KRT26: variants seen among roughly 807,000 people sequenced by gnomAD.
KRT26 encodes keratin 26, also known as keratin, type I cytoskeletal 26.
In KRT26, 45 loss-of-function variants were observed where a neutral mutation model predicts 46.1. The observed-to-expected ratio is 0.98, with a 90% CI of 0.77 to 1.25. KRT26 has a LOEUF of 1.25. Among genes scored for constraint, KRT26 ranks in the 50% most tolerant of loss-of-function variants. The pLI is 0.00. For synonymous variants in KRT26, 191 were observed against 209.9 expected (o/e 0.91, Z 0.78); for missense variants, 582 against 560.1 (o/e 1.04, Z -0.39).
chr17:40,766,480 CTT>C (rs1211023778), exon 8 of KRT26: 27 of 1,323,156 alleles, frequency 2.0e-5, no homozygotes, highest in Middle Eastern at 2.3e-4. Flanking sequence ...CTCTCTCTCT[CTT>C]TCTTTCTTTC....
chr17:40,771,135 TC>T lies in KRT26; in HGVS notation c.524+18del. On this transcript the variant is annotated intron_variant, in intron 2 of 7. Transcript: ENST00000335552. ...TTTTAACTTTTATTAATATAATTAA[TC>T]AGTTTGTTTTCACCTACTTCAGCCT... 7.0e-7 allele frequency: 1 copy of T among 1,419,240 alleles called. No homozygotes were observed. The highest frequency in any genetic ancestry group is 9.7e-7 in the Non-Finnish European group (1 of 1,029,602). The allele number at this position is 1,419,240 out of a possible 1,614,324, so 87.9% of individuals were successfully genotyped here.
intron 1 of KRT26, among the ~76,000 whole-genome samples, 183 bp from the exon 2 acceptor site, chr17:40,771,419 T>G (rs1210510973): frequency 6.6e-6 from 1 of 152,246 alleles, no homozygotes; most frequent in Non-Finnish European, 1.5e-5. Flanking sequence ...ACATAGATAC[T>G]TTTACTACTT....
chr17:40,771,798 C>A lies in KRT26; in HGVS notation c.316G>T (p.Glu106Ter), dbSNP rs2038223236. ...TTCTGCTCCAGGTCTGCGTTGGCCT[C>A]CTCTAGAGCATGCACATGGTCCAGG... Residue 106 changes from glutamate (E) to a stop codon, truncating the protein, a stop_gained, in exon 1 of 8, where the codon GAG (glutamate) becomes TAG (stop). Transcript: ENST00000335552. LOFTEE classifies it high-confidence loss of function. 10 of 1,614,196 alleles carry A rather than the reference C, an allele frequency of 6.2e-6. No individual in the cohort carries two copies. The highest frequency in any genetic ancestry group is 8.5e-6 in the Non-Finnish European group (10 of 1,180,034).
At chr17:40,772,056 T>A (rs2038227114) in exon 1 of KRT26, 2 of 1,613,998 alleles carry the variant, frequency 1.2e-6, no homozygotes, top group Admixed American at 1.7e-5. Flanking sequence ...CCGGACAGCC[T>A]ACCAGACCCA....
rs113285472 is a variant in KRT26, at chr17:40,771,210, G to A, written c.468C>T (p.Ala156=). 3.9e-3 allele frequency: 6,282 copies of A among 1,605,928 alleles called. 23 individuals carry two copies. The highest frequency in any genetic ancestry group is 5.0e-3 in the Non-Finnish European group (5,845 of 1,174,030). ...CATTGTCATTTTGTAGAACAATGCT[G>A]GCATTGCAGATGGTCGCAGAAATAA... The change falls in exon 2 of 8, where the codon GCC becomes GCT. Residue 156 remains alanine, a synonymous_variant. Coordinates refer to ENST00000335552, the Ensembl canonical transcript of KRT26.
chr17:40,768,848 T>A, intron 6 of KRT26, 31 bp downstream of exon 6: 1 of 144,720 alleles, frequency 6.9e-6, no homozygotes, highest in South Asian at 1.4e-4. Flanking sequence ...TAATGTGAGG[T>A]TTTTTTTTTT....
chr17:40,769,762 T>G, exon 5 of KRT26: 1 of 1,614,180 alleles, frequency 6.2e-7, no homozygotes, highest in Non-Finnish European at 8.5e-7. Flanking sequence ...ACCACAGCCA[T>G]GAGGGACTGA....
chr17:40,768,961 C>G lies in KRT26; in HGVS notation c.1105G>C (p.Glu369Gln), dbSNP rs774517734. The G allele has an allele frequency of 2.0e-5, 33 of 1,612,104 alleles. 1 individual carries two copies. In the South Asian group the frequency reaches 2.3e-4, roughly 11 times the overall value. The change falls in exon 6 of 8, where the codon GAG becomes CAG. Residue 369 changes from glutamate to glutamine, a missense_variant. Glu to Gln is a conservative substitution (Grantham distance 29, BLOSUM62 2). Transcript: ENST00000335552. Reference sequence around the variant, plus strand: ...TTTACATCAAGAAGCTGTTCATACTCCAGCTTCTGGCCTTCTGTTTCTGTT... The same window carrying G: ...TTTACATCAAGAAGCTGTTCATACTGCAGCTTCTGGCCTTCTGTTTCTGTT...
chr17:40,769,367 G>C (rs2038199207), intron 5 of KRT26, among the ~76,000 whole-genome samples: 1 of 152,072 alleles, frequency 6.6e-6, no homozygotes, highest in African/African-American at 2.4e-5. Flanking sequence ...ATGTTGGCCT[G>C]GCTGGTCTTG....
At chr17:40,771,762 A>G (rs9898164) in exon 1 of KRT26, 208,930 of 1,614,010 alleles carry the variant, frequency 0.13, 15,320 homozygotes, top group Admixed American at 0.31. Flanking sequence ...TTCTCGTACC[A>G]GCCCTTGATC....
chr17:40,770,306 G>C, exon 3 of KRT26: 1 of 1,614,066 alleles, frequency 6.2e-7, no homozygotes, highest in Non-Finnish European at 8.5e-7. Flanking sequence ...GTCTCACACT[G>C]TATCTCCAGG....
At chr17:40,768,686 G>A (rs935011363) in intron 6 of KRT26, among the ~76,000 whole-genome samples, 193 bp downstream of exon 6, 2 of 151,918 alleles carry the variant, frequency 1.3e-5, no homozygotes, top group African/African-American at 4.8e-5. Context: ...CAAATATTTT[G>A]CATACTTAGA....
chr17:40,770,534 G>T, intron 2 of KRT26, 125 bp from the exon 3 acceptor site: 1 of 664,658 alleles, frequency 1.5e-6, no homozygotes, highest in Non-Finnish European at 2.4e-6. Context: ...TCTTGCAATG[G>T]CAAACTGCTA....
exon 1 of KRT26, chr17:40,771,752 T>A (rs1340302724): frequency 6.2e-7 from 1 of 1,614,078 alleles, no homozygotes; most frequent in East Asian, 2.2e-5. Flanking sequence ...AGGCTCACAT[T>A]TCTCGTACCA....
chr17:40,767,687 T>C, intron 6 of KRT26, 34 bp from the exon 7 acceptor site: 1 of 1,313,094 alleles, frequency 7.6e-7, no homozygotes, highest in Non-Finnish European at 1.1e-6. Flanking sequence ...TGCATTTTTT[T>C]TTCTTTCCTT....
exon 1 of KRT26, chr17:40,772,012 A>G (rs1363264243): frequency 1.2e-6 from 2 of 1,614,080 alleles, no homozygotes; most frequent in Admixed American, 1.7e-5. Flanking sequence ...CCGATCCAAC[A>G]CACACATTCC....
chr17:40,769,970 G>A, exon 4 of KRT26: 1 of 1,614,122 alleles, frequency 6.2e-7, no homozygotes, highest in South Asian at 1.1e-5. Context: ...CCCTCTCGTT[G>A]AACCAGGCTT....
chr17:40,771,866 T>C (rs749009757), exon 1 of KRT26: 1 of 1,614,188 alleles, frequency 6.2e-7, no homozygotes, highest in Admixed American at 1.7e-5. Flanking sequence ...GGTCACCTTT[T>C]CATTCCCAGA....
chr17:40,769,164 TA>T, intron 5 of KRT26, 68 bp from the exon 6 acceptor site: 1 of 940,336 alleles, frequency 1.1e-6, no homozygotes, highest in Non-Finnish European at 1.6e-6. Context: ...TATATTATTT[TA>T]TTTATTTTTT....
Sources: gnomAD v4.1 joint callset for allele counts (sites outside exome capture counted in the v4.1 genomes callset) on GRCh38, gnomAD v4.1.1 for gene constraint, MANE v1.5 for transcripts, NCBI Gene and HGNC (gene_info 2026-07-23, HGNC 2026-07-21) for gene names.